Variants in WDR70 observed in about 807,000 individuals in gnomAD.
WDR70 encodes WD repeat-containing protein 70.
In WDR70, 53 loss-of-function variants were observed where a neutral mutation model predicts 88.6. The observed-to-expected ratio is 0.60, with a 90% CI of 0.48 to 0.75. WDR70 has a LOEUF of 0.75. Among genes scored for constraint, WDR70 ranks in the 30% least tolerant of loss-of-function variants. The pLI is 0.00. For missense variants in WDR70, 610 were observed against 823.2 expected (o/e 0.74, Z 3.17); for synonymous variants, 280 against 270.0 (o/e 1.04, Z -0.36).
intron 10 of WDR70, among the ~76,000 whole-genome samples, chr5:37,618,136 TG>T (rs1400139365): frequency 1.3e-5 from 2 of 152,192 alleles, no homozygotes; most frequent in East Asian, 3.9e-4. Flanking sequence ...ACAGAAAAAA[TG>T]GAAACCAATC....
Position 37,391,980 on chromosome 5 carries a change from T to A in WDR70, c.176-20T>A. ...GTAACCGTTGGGATTTTTTTGTTAA[T>A]CTTTTTTTAATCTTTTCAGAAGCAA... On this transcript the variant is annotated intron_variant, in intron 3 of 17. Coordinates refer to ENST00000265107, the MANE Select transcript of WDR70 (RefSeq NM_018034.4). 2 of 1,581,854 alleles carry A rather than the reference T, an allele frequency of 1.3e-6. No homozygotes were observed. Among genetic ancestry groups the A allele is most frequent in the Non-Finnish European group, 1.7e-6 (2 of 1,170,196 alleles).
At position 37,477,266 on chromosome 5, in the gene WDR70, T is replaced by G. The variant is rs946461221; in HGVS notation, c.687-2568T>G. Among the ~76,000 whole-genome samples the G allele has an allele frequency of 2.1e-4, 32 of 152,224 alleles. 1 individual carries two copies. ...GCAAGTCAACTGTTGACAAATTCTG[T>G]TAGTTTTAGTTTTTCTGAAAACATC... On this transcript the variant is annotated intron_variant, in intron 7 of 17. Coordinates refer to ENST00000265107, the MANE Select transcript of WDR70 (RefSeq NM_018034.4).
In WDR70 at chr5:37,525,015, T is replaced by C. The variant is rs181038610; in HGVS notation, c.917+8425T>C. On this transcript the variant is annotated intron_variant, in intron 9 of 17. Coordinates refer to ENST00000265107, the MANE Select transcript of WDR70 (RefSeq NM_018034.4). ...AGACCTACAAAGAGACTTAGACTCC[T>C]GCACAATAATAATGGGAGACTTTAA... Among the ~76,000 whole-genome samples, 625 of 152,154 alleles carry C rather than the reference T, an allele frequency of 4.1e-3. 12 individuals are homozygous for C. The highest frequency in any genetic ancestry group is 0.04 in the East Asian group (207 of 5,168).
chr5:37,742,861 G>GA (rs1265825971), intron 17 of WDR70, among the ~76,000 whole-genome samples: 1 of 152,130 alleles, frequency 6.6e-6, no homozygotes, highest in Non-Finnish European at 1.5e-5. Context: ...CCAACAGAAT[G>GA]AAAAAACAGG....
chr5:37,567,887 A>G (rs1742789799), intron 9 of WDR70, among the ~76,000 whole-genome samples: 1 of 152,210 alleles, frequency 6.6e-6, no homozygotes, highest in South Asian at 2.1e-4. Flanking sequence ...AGGGTCATCC[A>G]GCAAAACTAG....
At chr5:37,689,960 T>A (rs922964768) in intron 10 of WDR70, among the ~76,000 whole-genome samples, 2 of 151,958 alleles carry the variant, frequency 1.3e-5, no homozygotes, top group Admixed American at 1.3e-4. Context: ...GCTAAAAACC[T>A]CGAAAAAAGG....
chr5:37,658,146 T>G (rs1581471793), intron 10 of WDR70, among the ~76,000 whole-genome samples: 1 of 151,838 alleles, frequency 6.6e-6, no homozygotes, highest in Non-Finnish European at 1.5e-5. Flanking sequence ...GTCTTCTTCC[T>G]CATCATCTTC....
intron 3 of WDR70, among the ~76,000 whole-genome samples, chr5:37,384,832 A>G (rs1397132285): frequency 1.3e-5 from 2 of 151,954 alleles, no homozygotes; most frequent in Non-Finnish European, 2.9e-5. Flanking sequence ...CCACACATCA[A>G]CCAGTTCTCC....
intron 3 of WDR70, among the ~76,000 whole-genome samples, chr5:37,386,825 C>T (rs955761817): frequency 5.3e-5 from 8 of 151,962 alleles, no homozygotes; most frequent in African/African-American, 1.2e-4. Context: ...GGGCTGGGCA[C>T]GGTGGCTCAC....
chr5:37,623,813 TACTTTGTTGAAGGTCA>T (rs1744584761), intron 10 of WDR70, among the ~76,000 whole-genome samples: 1 of 152,176 alleles, frequency 6.6e-6, no homozygotes. Context: ...CAGTCCCTGG[TACTTTGTTGAAGGTCA>T]ATAAAGTATA....
At chr5:37,488,909 C>G (rs1372727276) in intron 8 of WDR70, among the ~76,000 whole-genome samples, 1 of 152,192 alleles carries the variant, frequency 6.6e-6, no homozygotes, top group Non-Finnish European at 1.5e-5. Flanking sequence ...ACTCTTGTAA[C>G]AGTTACTTCT....
At chr5:37,660,211 T>C (rs541459992) in intron 10 of WDR70, among the ~76,000 whole-genome samples, 1 of 152,270 alleles carries the variant, frequency 6.6e-6, no homozygotes, top group South Asian at 2.1e-4. Flanking sequence ...TTTATAATGA[T>C]TTGTTTTTTG....
At chr5:37,482,800 CAG>C (rs974447689) in intron 8 of WDR70, among the ~76,000 whole-genome samples, 18 of 152,086 alleles carry the variant, frequency 1.2e-4, no homozygotes, top group African/African-American at 4.3e-4. Context: ...CAAAATCAAA[CAG>C]AAATTATGTG....
chr5:37,577,373 T>A (rs1743089669), intron 9 of WDR70, among the ~76,000 whole-genome samples: 1 of 152,104 alleles, frequency 6.6e-6, no homozygotes, highest in Admixed American at 6.5e-5. Flanking sequence ...TCCTAGCTAC[T>A]CAAGAGGCTG....
chr5:37,431,321 A>G (rs966878777), intron 5 of WDR70, among the ~76,000 whole-genome samples: 1 of 152,198 alleles, frequency 6.6e-6, no homozygotes, highest in Non-Finnish European at 1.5e-5. Context: ...GTGGAGAGTA[A>G]CAGAGCTATC....
intron 8 of WDR70, among the ~76,000 whole-genome samples, 183 bp from the exon 9 acceptor site, chr5:37,516,331 C>T (rs1004023661): frequency 1.3e-5 from 2 of 151,766 alleles, no homozygotes; most frequent in Admixed American, 6.6e-5. Flanking sequence ...AGAGTTAAAG[C>T]GAAATAAATG....
At chr5:37,545,541 G>T (rs1463357109) in intron 9 of WDR70, among the ~76,000 whole-genome samples, 3 of 145,046 alleles carry the variant, frequency 2.1e-5, no homozygotes, top group Admixed American at 6.9e-5. Context: ...TTTTGTTTTT[G>T]TTTTTTTTTT....
chr5:37,438,168 T>C (rs1750536389), intron 6 of WDR70, among the ~76,000 whole-genome samples, 187 bp downstream of exon 6: 1 of 152,190 alleles, frequency 6.6e-6, no homozygotes, highest in Non-Finnish European at 1.5e-5. Flanking sequence ...TTAGTTAAAA[T>C]AGGAACAATT....
chr5:37,654,238 A>G (rs975302102), intron 10 of WDR70, among the ~76,000 whole-genome samples: 2 of 152,178 alleles, frequency 1.3e-5, no homozygotes, highest in Non-Finnish European at 2.9e-5. Flanking sequence ...TTCAGTTACC[A>G]TGTAGTTGCA....
Sources: gnomAD v4.1 joint callset for allele counts (sites outside exome capture counted in the v4.1 genomes callset) on GRCh38, gnomAD v4.1.1 for gene constraint, MANE v1.5 for transcripts, NCBI Gene and HGNC (gene_info 2026-07-23, HGNC 2026-07-21) for gene names.